ANKRD26: variants seen among roughly 807,000 people sequenced by gnomAD.
ANKRD26 encodes ankyrin repeat domain-containing protein 26.
Under a neutral mutation model 208.7 loss-of-function variants are expected in ANKRD26, and 141 were observed. That is an observed-to-expected ratio of 0.68 (90% CI 0.59 to 0.78). The LOEUF is 0.78. ANKRD26 is among the 30% of genes least tolerant of loss of function. ANKRD26 has a pLI of 0.00. For missense variants in ANKRD26, 1,889 were observed against 1,938.7 expected (o/e 0.97, Z 0.48); for synonymous variants, 636 against 660.4 (o/e 0.96, Z 0.57).
chr10:27,051,190 C>T, intron 16 of ANKRD26: 3 of 1,289,886 alleles, frequency 2.3e-6, no homozygotes, highest in Non-Finnish European at 2.0e-6. Flanking sequence ...GTTCTGTCAC[C>T]ACGTGGTGGA....
At chr10:27,018,141 A>ATTTTTTTTTTT (rs11346457) in intron 29 of ANKRD26, among the ~76,000 whole-genome samples, 1 of 131,162 alleles carries the variant, frequency 7.6e-6, no homozygotes, top group African/African-American at 2.9e-5. Flanking sequence ...ATGCCCTATA[A>ATTTTTTTTTTT]TTTTTTTTTT....
chr10:26,995,726 G>T (rs2052576998), intron 4 of ANKRD26, among the ~76,000 whole-genome samples: 1 of 152,166 alleles, frequency 6.6e-6, no homozygotes, highest in African/African-American at 2.4e-5. Context: ...TTGACTTGGG[G>T]TGAACACAGT....
chr10:27,084,464 T>C (rs1321892073), intron 5 of ANKRD26, among the ~76,000 whole-genome samples: 1 of 152,224 alleles, frequency 6.6e-6, no homozygotes, highest in Non-Finnish European at 1.5e-5. Flanking sequence ...ACCTAACCTA[T>C]GAAAGTTCTT....
intron 4 of ANKRD26, 97 bp downstream of exon 4, chr10:27,092,309 A>C: frequency 1.2e-6 from 1 of 835,082 alleles, no homozygotes. Context: ...CCTCAAGAAC[A>C]AGCAGGTTTA....
chr10:27,079,651 C>G (rs1189594572), intron 6 of ANKRD26, among the ~76,000 whole-genome samples: 1 of 151,984 alleles, frequency 6.6e-6, no homozygotes, highest in Non-Finnish European at 1.5e-5. Flanking sequence ...CCCAGGAGTT[C>G]GAGATCAGCC....
At chr10:26,972,201 C>T (rs1019436408), downstream of ANKRD26, among the ~76,000 whole-genome samples, 5 of 149,408 alleles carry the variant, frequency 3.3e-5, no homozygotes, top group Admixed American at 1.3e-4. Flanking sequence ...TGCCACTGCA[C>T]TCCAGCCTGG....
chr10:26,977,919 A>T (rs1173718830), intron 5 of ANKRD26, among the ~76,000 whole-genome samples: 1 of 152,192 alleles, frequency 6.6e-6, no homozygotes, highest in Non-Finnish European at 1.5e-5. Flanking sequence ...GAGGAGACCA[A>T]AAACAAAACA....
downstream of ANKRD26, among the ~76,000 whole-genome samples, chr10:26,969,897 C>T (rs966386452): frequency 7.3e-5 from 11 of 150,762 alleles, no homozygotes; most frequent in East Asian, 2.0e-4. Context: ...TGCCGTGATG[C>T]GATCTCGGCT....
downstream of ANKRD26, among the ~76,000 whole-genome samples, chr10:26,972,884 C>G (rs1222303410): frequency 6.6e-6 from 1 of 152,110 alleles, no homozygotes; most frequent in African/African-American, 2.4e-5. Context: ...ACCACCATAC[C>G]CGGCTGAGGT....
chr10:27,085,949 T>C (rs2056100280), intron 5 of ANKRD26, among the ~76,000 whole-genome samples: 1 of 137,808 alleles, frequency 7.3e-6, no homozygotes. Context: ...TAGCTTACTT[T>C]ACTACAATAC....
chr10:27,061,628 T>C (rs11015499), intron 12 of ANKRD26, among the ~76,000 whole-genome samples: 12,043 of 147,568 alleles, frequency 0.082, 568 homozygotes, highest in African/African-American at 0.13. Flanking sequence ...GGCAAAATCA[T>C]GGCTCATTGC....
At chr10:27,032,606 AGCCTG>A (rs1194436213) in intron 25 of ANKRD26, among the ~76,000 whole-genome samples, 2 of 151,200 alleles carry the variant, frequency 1.3e-5, no homozygotes, top group Non-Finnish European at 2.9e-5. Flanking sequence ...ACTGCACGCC[AGCCTG>A]GGCTACAGAG....
At position 27,017,623 on chromosome 10, in the gene ANKRD26, C is replaced by T; in HGVS notation, c.4385G>A (p.Arg1462Lys). ...KKLEQEVINL[R>K]SHIERNMVEL... ...TACCATATTCCTTTCTATATGACTTCTCAGGTTGATCACTTCTTGTTCCAA... is the reference window on the plus strand; with the variant it reads ...TACCATATTCCTTTCTATATGACTTTTCAGGTTGATCACTTCTTGTTCCAA... The change falls in exon 30 of 34, where the codon AGA becomes AAA. Residue 1462 changes from arginine (R) to lysine (K), a missense_variant. Physicochemically the swap from Arg to Lys is conservative, Grantham distance 26. This residue lies in a region of ANKRD26 where 613 missense variants were observed against 648.2 expected (regional missense o/e 0.95). Transcript: ENST00000376087. 1.2e-6 allele frequency: 2 copies of T among 1,613,636 alleles called. No homozygotes were observed. Among genetic ancestry groups the T allele is most frequent in the Non-Finnish European group, 1.7e-6 (2 of 1,179,830 alleles).
intron 27 of ANKRD26, among the ~76,000 whole-genome samples, chr10:27,025,134 T>A (rs2053617469): frequency 6.6e-6 from 1 of 151,612 alleles, no homozygotes; most frequent in Non-Finnish European, 1.5e-5. Context: ...GTGGCTTTTT[T>A]AATCAACCTG....
intron 6 of ANKRD26, among the ~76,000 whole-genome samples, chr10:27,081,995 C>T (rs2055929452): frequency 1.3e-5 from 2 of 148,180 alleles, no homozygotes; most frequent in African/African-American, 2.5e-5. Context: ...CTTGGCCTCC[C>T]AAAGTGCTGG....
In ANKRD26 at chr10:27,092,349, TA is replaced by T; in HGVS notation, c.638+56del. On this transcript the variant is annotated intron_variant, in intron 4 of 33. Transcript: ENST00000376087. ...ACCTGTAACATGCAAAACACAGATCTAAAAAAACTTTTAAACATACAAGTTT... is the reference window on the plus strand; with the variant it reads ...ACCTGTAACATGCAAAACACAGATCTAAAAAACTTTTAAACATACAAGTTT... 7 of 1,341,036 alleles carry T rather than the reference TA, an allele frequency of 5.2e-6. No homozygotes were observed. The Admixed American group carries it at 9.5e-5, about 18-fold the overall frequency. The allele number at this position is 1,341,036 out of a possible 1,614,324, so 83.1% of individuals were successfully genotyped here.
chr10:27,026,063 C>T (rs1296716433), intron 27 of ANKRD26, among the ~76,000 whole-genome samples: 1 of 152,126 alleles, frequency 6.6e-6, no homozygotes, highest in African/African-American at 2.4e-5. Flanking sequence ...AAAACTTTTC[C>T]ACAAGGGTCA....
intron 5 of ANKRD26, among the ~76,000 whole-genome samples, chr10:27,083,141 T>G (rs1370216411): frequency 6.6e-6 from 1 of 152,110 alleles, no homozygotes; most frequent in Non-Finnish European, 1.5e-5. Context: ...CCCCCTAACT[T>G]TTTACACTCA....
At chr10:27,073,137 C>T (rs1379099469) in intron 9 of ANKRD26, among the ~76,000 whole-genome samples, 1 of 152,196 alleles carries the variant, frequency 6.6e-6, no homozygotes, top group African/African-American at 2.4e-5. Context: ...AGACTGCAGG[C>T]CTTCCGCTTG....
Sources: gnomAD v4.1 joint callset for allele counts (sites outside exome capture counted in the v4.1 genomes callset) on GRCh38, gnomAD v4.1.1 for gene constraint, gnomAD v4.1.1 regional missense constraint, MANE v1.5 for transcripts, NCBI Gene and HGNC (gene_info 2026-07-23, HGNC 2026-07-21) for gene names.